Variants in PRLR observed in about 807,000 individuals in gnomAD.
The protein encoded by PRLR is hPRL receptor.
PRLR carries 13 observed loss-of-function variants against 40.2 expected under a neutral mutation model. The observed-to-expected ratio is 0.32, with a 90% CI of 0.21 to 0.51. PRLR has a LOEUF of 0.51. Ranked by LOEUF, PRLR falls within the 20% of genes least tolerant of loss-of-function variation. PRLR has a pLI of 0.97. For missense variants in PRLR, 656 were observed against 747.3 expected (o/e 0.88, Z 1.42); for synonymous variants, 269 against 278.7 (o/e 0.97, Z 0.35).
chr5:35,072,623 C>T lies in PRLR; in HGVS notation c.495G>A (p.Thr165=), dbSNP rs763587045. The T allele has an allele frequency of 8.7e-6, 14 of 1,614,118 alleles. No individual in the cohort carries two copies. Among genetic ancestry groups the T allele is most frequent in the East Asian group, 6.7e-5 (3 of 44,884 alleles). Residue 165 remains threonine, a synonymous_variant, in exon 6 of 10, where the codon ACG becomes ACA. Transcript: ENST00000618457. ...TLIDLKTGWF[T]LLYEIRLKPE... The stretch of plus-strand genomic sequence containing the variant: ...GTTTTAATCGAATTTCATACAGGAG[C>T]GTGAACCAACCAGTTTTTAAGTCAA...
chr5:35,227,680 C>G (rs1414607817), intron 1 of PRLR, among the ~76,000 whole-genome samples: 1 of 152,140 alleles, frequency 6.6e-6, no homozygotes, highest in Non-Finnish European at 1.5e-5. Flanking sequence ...ATTGCTACAT[C>G]ATCTGACCAC....
intron 1 of PRLR, among the ~76,000 whole-genome samples, chr5:35,177,922 A>G (rs183455666): frequency 6.6e-6 from 1 of 151,776 alleles, no homozygotes; most frequent in East Asian, 1.9e-4. Flanking sequence ...TCGCATGTCT[A>G]CCAATAGTGT....
chr5:35,142,352 G>C (rs1774050207), intron 1 of PRLR, among the ~76,000 whole-genome samples: 1 of 152,206 alleles, frequency 6.6e-6, no homozygotes, highest in Non-Finnish European at 1.5e-5. Flanking sequence ...GGCGATTTTA[G>C]ATGGGGATGC....
intron 5 of PRLR, among the ~76,000 whole-genome samples, chr5:35,077,006 G>C (rs1386515687): frequency 6.6e-6 from 1 of 152,192 alleles, no homozygotes; most frequent in Non-Finnish European, 1.5e-5. Context: ...GAGAGATTTT[G>C]TCACTACCAG....
intron 2 of PRLR, among the ~76,000 whole-genome samples, chr5:35,106,099 A>G (rs1207297208): frequency 6.6e-6 from 1 of 152,238 alleles, no homozygotes; most frequent in Non-Finnish European, 1.5e-5. Context: ...AGAATTTTCA[A>G]CCCAGAATTT....
chr5:35,193,007 G>C (rs182132273), intron 1 of PRLR, among the ~76,000 whole-genome samples: 103 of 152,278 alleles, frequency 6.8e-4, no homozygotes, highest in Non-Finnish European at 3.2e-4. Context: ...CACTTCTTGT[G>C]GTTTGAAGAG....
intron 1 of PRLR, among the ~76,000 whole-genome samples, chr5:35,220,462 T>A (rs893773382): frequency 6.6e-6 from 1 of 152,228 alleles, no homozygotes; most frequent in South Asian, 2.1e-4. Flanking sequence ...GTGCAACTTG[T>A]ACAAGCTATT....
chr5:35,083,068 TACACACACAC>T (rs3836809), intron 5 of PRLR, among the ~76,000 whole-genome samples: 2 of 144,836 alleles, frequency 1.4e-5, no homozygotes, highest in East Asian at 2.0e-4. Context: ...GGTAAGGCAA[TACACACACAC>T]ACACACACAC....
chr5:35,086,422 G>A, intron 3 of PRLR, 82 bp from the exon 4 acceptor site: 1 of 1,533,948 alleles, frequency 6.5e-7, no homozygotes, highest in Non-Finnish European at 8.9e-7. Flanking sequence ...GAAACAGATT[G>A]ATGGACCAAA....
At chr5:35,093,408 G>T (rs1771341575) in intron 2 of PRLR, among the ~76,000 whole-genome samples, 1 of 152,194 alleles carries the variant, frequency 6.6e-6, no homozygotes, top group South Asian at 2.1e-4. Context: ...CTGCCTGCCA[G>T]CAATCTCAGC....
chr5:35,120,598 C>T (rs1773256240), intron 1 of PRLR, among the ~76,000 whole-genome samples: 1 of 152,164 alleles, frequency 6.6e-6, no homozygotes, highest in South Asian at 2.1e-4. Context: ...GGGGAAATAA[C>T]TCACAGATTT....
intron 1 of PRLR, among the ~76,000 whole-genome samples, chr5:35,198,363 G>C (rs954370320): frequency 6.6e-6 from 1 of 152,194 alleles, no homozygotes; most frequent in Admixed American, 6.5e-5. Flanking sequence ...TGACTCTATG[G>C]AGCATTGCCC....
At chr5:35,143,153 T>C (rs563866443) in intron 1 of PRLR, among the ~76,000 whole-genome samples, 1 of 152,254 alleles carries the variant, frequency 6.6e-6, no homozygotes, top group Non-Finnish European at 1.5e-5. Flanking sequence ...GCAAACTTTT[T>C]CTATAAAGGG....
chr5:35,140,051 G>T (rs1773972405), intron 1 of PRLR, among the ~76,000 whole-genome samples: 1 of 152,112 alleles, frequency 6.6e-6, no homozygotes, highest in Non-Finnish European at 1.5e-5. Flanking sequence ...TTTTCCAATT[G>T]ACCTCAAGCT....
chr5:35,107,975 A>G (rs1247840263), intron 2 of PRLR, among the ~76,000 whole-genome samples: 1 of 152,254 alleles, frequency 6.6e-6, no homozygotes, highest in Non-Finnish European at 1.5e-5. Context: ...AAAATCTTCA[A>G]TAAAACACTG....
At chr5:35,199,807 AT>A (rs1775832048) in intron 1 of PRLR, among the ~76,000 whole-genome samples, 1 of 152,202 alleles carries the variant, frequency 6.6e-6, no homozygotes, top group Admixed American at 6.5e-5. Context: ...TAGATTCCAA[AT>A]TTGCACCCGA....
chr5:35,073,330 T>C (rs945647929), intron 5 of PRLR, among the ~76,000 whole-genome samples: 1 of 152,242 alleles, frequency 6.6e-6, no homozygotes, highest in African/African-American at 2.4e-5. Context: ...TTGAGCTTTT[T>C]GGCAATGATC....
chr5:35,175,846 T>C (rs1775132957), intron 1 of PRLR, among the ~76,000 whole-genome samples: 1 of 151,524 alleles, frequency 6.6e-6, no homozygotes, highest in Admixed American at 6.6e-5. Context: ...TGTTCAACTA[T>C]CAATGATCTT....
chr5:35,219,883 G>C (rs543849408), intron 1 of PRLR, among the ~76,000 whole-genome samples: 149 of 152,200 alleles, frequency 9.8e-4, no homozygotes, highest in Non-Finnish European at 1.9e-3. Context: ...TCTAAAACAA[G>C]GGTAGGGCAG....
Sources: allele counts gnomAD v4.1 joint callset (sites outside exome capture counted in the v4.1 genomes callset), GRCh38; gene constraint gnomAD v4.1.1; transcripts MANE v1.5; gene names NCBI Gene and HGNC (gene_info 2026-07-23, HGNC 2026-07-21).